ETF1: variants seen among roughly 807,000 people sequenced by gnomAD.
ETF1 encodes the protein eukaryotic translation termination factor 1, also known as eukaryotic peptide chain release factor subunit 1.
Under a neutral mutation model 55.1 loss-of-function variants are expected in ETF1, and 4 were observed. The observed-to-expected ratio is 0.07, with a 90% CI of 0.04 to 0.17. The LOEUF is 0.17. ETF1 is among the 10% of genes least tolerant of loss of function. The pLI is 1.00. For missense variants in ETF1, 142 were observed against 523.6 expected (o/e 0.27, Z 7.11); for synonymous variants, 157 against 182.3 (o/e 0.86, Z 1.12).
intron 2 of ETF1, chr5:138,542,499 C>T (rs1766222373): frequency 1.7e-6 from 1 of 584,448 alleles, no homozygotes; most frequent in East Asian, 5.2e-5. Flanking sequence ...CACAATAGCA[C>T]CCGAGTCGGG....
At chr5:138,534,698 G>T (rs1205032797) in intron 2 of ETF1, among the ~76,000 whole-genome samples, 1 of 152,228 alleles carries the variant, frequency 6.6e-6, no homozygotes, top group Non-Finnish European at 1.5e-5. Context: ...AATGGGAGAC[G>T]TCTCTATTCA....
chr5:138,530,245 T>C (rs1346872915), intron 2 of ETF1, among the ~76,000 whole-genome samples: 1 of 152,146 alleles, frequency 6.6e-6, no homozygotes, highest in Non-Finnish European at 1.5e-5. Context: ...GTGGTGATGA[T>C]TTTGGTTGAG....
intron 2 of ETF1, 111 bp downstream of exon 2, chr5:138,542,722 G>C: frequency 6.5e-7 from 1 of 1,531,480 alleles, no homozygotes; most frequent in Non-Finnish European, 8.8e-7. Context: ...TCCAGAAGGC[G>C]GGAGTTGGCT....
rs1764555352 is a variant in ETF1 at position 138,506,292 on chromosome 5, A to G, written c.*2013T>C. ...CACACATCAATATATAATGCAATAT[A>G]TATCACCGAAGAGAACACATTGATT... On this transcript the variant is annotated 3_prime_UTR_variant, in exon 11 of 11. Transcript: ENST00000360541. 6.5e-6 allele frequency: 1 copy of G among 152,674 alleles called. No homozygotes were observed. 9.5% of individuals were successfully genotyped at this position (152,674 alleles called of 1,614,324 possible).
intron 2 of ETF1, among the ~76,000 whole-genome samples, chr5:138,542,225 C>T (rs1346429204): frequency 6.6e-6 from 1 of 152,156 alleles, no homozygotes; most frequent in Admixed American, 6.5e-5. Context: ...TAGGTGGGTC[C>T]TGGAACAGCT....
At chr5:138,524,425 T>G (rs1765370560) in intron 2 of ETF1, among the ~76,000 whole-genome samples, 1 of 151,652 alleles carries the variant, frequency 6.6e-6, no homozygotes, top group South Asian at 2.1e-4. Flanking sequence ...TGGTGGTATG[T>G]GCCTGTAATC....
At chr5:138,524,546 G>A (rs1765376838) in intron 2 of ETF1, among the ~76,000 whole-genome samples, 1 of 146,344 alleles carries the variant, frequency 6.8e-6, no homozygotes, top group East Asian at 2.0e-4. Context: ...GAGTGAAACT[G>A]TGTCTCTTAA....
chr5:138,508,950 T>C (rs1561826798), intron 9 of ETF1, 134 bp from the exon 10 acceptor site: 1 of 1,444,852 alleles, frequency 6.9e-7, no homozygotes, highest in East Asian at 2.4e-5. Context: ...TAAAGCTCTG[T>C]AAGTCATCTC....
rs997878313 is a variant in ETF1, at chr5:138,512,625, G to A, written c.732+139C>T. The A allele has an allele frequency of 1.1e-5, 7 of 640,046 alleles. No individual in the cohort carries two copies. The Admixed American group carries it at 2.9e-4, about 27-fold the overall frequency. 39.6% of individuals were successfully genotyped at this position (640,046 alleles called of 1,614,324 possible). On this transcript the variant is annotated intron_variant, in intron 6 of 10. Coordinates refer to ENST00000360541, the MANE Select transcript of ETF1 (RefSeq NM_004730.4). Reference sequence around the variant, plus strand: ...GGGGAATGTTTCCTGATAAACATCTGTAAACCTGCTGTTTAACTCAGAGGC... The same window carrying A: ...GGGGAATGTTTCCTGATAAACATCTATAAACCTGCTGTTTAACTCAGAGGC...
chr5:138,509,449 A>G (rs189486052), intron 9 of ETF1, among the ~76,000 whole-genome samples: 15 of 152,310 alleles, frequency 9.8e-5, no homozygotes, highest in African/African-American at 3.4e-4. Flanking sequence ...CTTAAAAACA[A>G]AGACAAAAAC....
At chr5:138,529,066 T>C (rs1580708607) in intron 2 of ETF1, among the ~76,000 whole-genome samples, 1 of 151,802 alleles carries the variant, frequency 6.6e-6, no homozygotes. Flanking sequence ...GAGGCAGAGG[T>C]TGCAGTGAGC....
chr5:138,512,983 G>C (rs766112454), intron 5 of ETF1, 29 bp from the exon 6 acceptor site: 27 of 1,483,978 alleles, frequency 1.8e-5, no homozygotes, highest in Middle Eastern at 1.8e-4. Flanking sequence ...AAGAGAAAAA[G>C]GCAATTATTA....
chr5:138,542,597 G>A (rs1766228838), intron 2 of ETF1: 4 of 1,396,826 alleles, frequency 2.9e-6, no homozygotes, highest in Non-Finnish European at 2.8e-6. Context: ...CACGAGGGGG[G>A]CCGAGTGATC....
chr5:138,527,179 G>T (rs1765509429), intron 2 of ETF1, among the ~76,000 whole-genome samples: 1 of 152,128 alleles, frequency 6.6e-6, no homozygotes, highest in African/African-American at 2.4e-5. Flanking sequence ...TGGCTGTCCA[G>T]TCCTCCCACT....
In ETF1 at chr5:138,513,733, G is replaced by A. The variant is rs372759180; in HGVS notation, c.403-27C>T. On this transcript the variant is annotated intron_variant, in intron 4 of 10. Transcript: ENST00000360541. ...TGAAAAGCAAACACAAGTACCACAC[G>A]GTGAATCCCAAAGCTTTGCTAAGGT... The A allele has an allele frequency of 1.7e-5, 27 of 1,582,120 alleles. No homozygotes were observed. In the East Asian group the frequency reaches 3.6e-4, roughly 21 times the overall value.
At chr5:138,535,912 T>C (rs1765910307) in intron 2 of ETF1, among the ~76,000 whole-genome samples, 1 of 138,724 alleles carries the variant, frequency 7.2e-6, no homozygotes, top group Non-Finnish European at 1.6e-5. Context: ...ACCTTAATCA[T>C]CTGCTTATAC....
intron 5 of ETF1, 175 bp from the exon 6 acceptor site, chr5:138,513,129 G>A (rs1480635801): frequency 1.0e-6 from 1 of 985,158 alleles, no homozygotes; most frequent in East Asian, 1.1e-4. Flanking sequence ...CGACTACTAA[G>A]TCTATGTCAA....
intron 9 of ETF1, among the ~76,000 whole-genome samples, chr5:138,509,487 C>T (rs879928817): frequency 2.6e-5 from 4 of 152,150 alleles, no homozygotes; most frequent in African/African-American, 9.7e-5. Context: ...CCAGGCCAGG[C>T]ATGGTGGGTC....
At chr5:138,513,842 T>C in intron 4 of ETF1, 136 bp from the exon 5 acceptor site, 4 of 1,130,516 alleles carry the variant, frequency 3.5e-6, no homozygotes, top group Non-Finnish European at 4.6e-6. Flanking sequence ...TTCTACGGAA[T>C]AATTTATAGA....
Sources: allele counts gnomAD v4.1 joint callset (sites outside exome capture counted in the v4.1 genomes callset), GRCh38; gene constraint gnomAD v4.1.1; transcripts MANE v1.5; gene names NCBI Gene and HGNC (gene_info 2026-07-23, HGNC 2026-07-21).